EPC1: variants seen among roughly 807,000 people sequenced by gnomAD.
EPC1 encodes the protein enhancer of polycomb homolog 1.
A neutral mutation model predicts 98.4 loss-of-function variants in EPC1; 12 were observed. The ratio of observed to expected loss-of-function variants is 0.12; its 90% CI spans 0.08 to 0.20. The LOEUF is 0.20. EPC1 is among the 10% of genes least tolerant of loss of function. EPC1 has a pLI of 1.00. For missense variants in EPC1, 729 were observed against 990.5 expected (o/e 0.74, Z 3.54); for synonymous variants, 357 against 363.9 (o/e 0.98, Z 0.21).
At chr10:32,316,428 C>A (rs556456213) in intron 1 of EPC1, among the ~76,000 whole-genome samples, 30 of 152,228 alleles carry the variant, frequency 2.0e-4, no homozygotes, top group South Asian at 1.0e-3. Flanking sequence ...CAAATGTCCA[C>A]CAAAATAGGA....
intron 1 of EPC1, among the ~76,000 whole-genome samples, chr10:32,375,075 T>G (rs1203856200): frequency 6.6e-6 from 1 of 152,126 alleles, no homozygotes; most frequent in Non-Finnish European, 1.5e-5. Flanking sequence ...TTGTTTTCTT[T>G]TGCAAAACCA....
chr10:32,287,413 G>T (rs1836748584), intron 6 of EPC1, 139 bp from the exon 7 acceptor site: 1 of 833,924 alleles, frequency 1.2e-6, no homozygotes, highest in Non-Finnish European at 1.9e-6. Flanking sequence ...TCTATGTTTG[G>T]CCATCTTATA....
At position 32,271,619 on chromosome 10, in the gene EPC1, C is replaced by G. The variant is rs768266468; in HGVS notation, c.2304G>C (p.Leu768=). 1.9e-6 allele frequency: 3 copies of G among 1,614,122 alleles called. No individual in the cohort carries two copies. Among genetic ancestry groups the G allele is most frequent in the Admixed American group, 1.7e-5 (1 of 60,010 alleles). Residue 768 remains leucine (L), a synonymous_variant, in exon 13 of 14, where the codon CTG becomes CTC. Transcript: ENST00000319778. The part of the protein sequence containing the change: ...LSAVPSSALK[L]AAAANCQVSK... ...AAACTTGACAGTTTGCTGCAGCGGCCAGCTTTAAGGCAGATGATGGAACAG... is the reference window on the plus strand; with the variant it reads ...AAACTTGACAGTTTGCTGCAGCGGCGAGCTTTAAGGCAGATGATGGAACAG...
chr10:32,346,682 T>A (rs1838846331), intron 1 of EPC1, 81 bp downstream of exon 1: 1 of 1,360,940 alleles, frequency 7.3e-7, no homozygotes, highest in South Asian at 1.2e-5. Flanking sequence ...CCATTTTGTG[T>A]GGGTTTGCTG....
chr10:32,323,565 A>T (rs1285484198), intron 1 of EPC1, among the ~76,000 whole-genome samples: 1 of 152,230 alleles, frequency 6.6e-6, no homozygotes, highest in African/African-American at 2.4e-5. Flanking sequence ...AAAAGATATG[A>T]TACTATTCAA....
intron 2 of EPC1, among the ~76,000 whole-genome samples, chr10:32,296,290 AG>A (rs1835154400): frequency 6.6e-6 from 1 of 152,188 alleles, no homozygotes; most frequent in South Asian, 2.1e-4. Flanking sequence ...TATACACTAC[AG>A]TTTGGCATCC....
At chr10:32,374,836 G>A (rs1839839155) in intron 1 of EPC1, among the ~76,000 whole-genome samples, 1 of 151,970 alleles carries the variant, frequency 6.6e-6, no homozygotes, top group African/African-American at 2.4e-5. Flanking sequence ...TTATCAGAAT[G>A]ATACATAATA....
At chr10:32,276,327 A>T (rs1339128439) in intron 10 of EPC1, among the ~76,000 whole-genome samples, 1 of 152,196 alleles carries the variant, frequency 6.6e-6, no homozygotes, top group East Asian at 1.9e-4. Context: ...CCTGACCAAC[A>T]TGGTGAAACC....
At position 32,268,485 on chromosome 10, in the gene EPC1, A is replaced by G. The variant is rs1835687714; in HGVS notation, c.*578T>C. 1.1e-5 allele frequency: 1 copy of G among 91,484 alleles called. No homozygotes were observed. Among genetic ancestry groups the G allele is most frequent in the Non-Finnish European group, 2.1e-5 (1 of 47,158 alleles). The allele number at this position is 91,484 out of a possible 1,614,324, so 5.7% of individuals were successfully genotyped here. A position where few individuals can be genotyped will look rare whatever the true frequency, so the allele number is the denominator to read the frequency against. ...TGTAAAATTCTGTATGTATGTCACCATTTTTTTTCACATGATACACAGAAA... is the reference window on the plus strand; with the variant it reads ...TGTAAAATTCTGTATGTATGTCACCGTTTTTTTTCACATGATACACAGAAA... On this transcript the variant is annotated 3_prime_UTR_variant, in exon 14 of 14. Transcript: ENST00000319778.
At chr10:32,280,935 C>G (rs1297349885) in intron 10 of EPC1, among the ~76,000 whole-genome samples, 3 of 152,196 alleles carry the variant, frequency 2.0e-5, no homozygotes, top group Non-Finnish European at 4.4e-5. Flanking sequence ...AAAACTTTTT[C>G]TGCATTGACC....
At chr10:32,332,646 A>G (rs1837708732) in intron 1 of EPC1, among the ~76,000 whole-genome samples, 1 of 152,240 alleles carries the variant, frequency 6.6e-6, no homozygotes, top group African/African-American at 2.4e-5. Context: ...GCTGACTGCA[A>G]TCCTGAACAG....
Position 32,302,253 on chromosome 10 carries a change from A to T in EPC1, c.313+3519T>A, listed in dbSNP as rs558499432. ...AAGACTCCGTCTCAAAAAAAAAAAA[A>T]TTTTTTTCCAAGTCATATATCTGAC... is the stretch of plus-strand genomic sequence containing the variant. On this transcript the variant is annotated intron_variant, in intron 2 of 13. Transcript: ENST00000319778. 2.5e-3 allele frequency among the ~76,000 whole-genome samples: 376 copies of T among 151,872 alleles called. 1 individual carries two copies. Among genetic ancestry groups the T allele is most frequent in the Middle Eastern group, 0.02 (6 of 294 alleles).
At chr10:32,307,206 GA>G (rs940226939) in intron 1 of EPC1, among the ~76,000 whole-genome samples, 5 of 152,166 alleles carry the variant, frequency 3.3e-5, no homozygotes, top group African/African-American at 7.2e-5. Context: ...GATACAAATT[GA>G]AAGGGAAAAA....
chr10:32,321,603 A>G (rs1836923714), intron 1 of EPC1, among the ~76,000 whole-genome samples: 1 of 152,048 alleles, frequency 6.6e-6, no homozygotes, highest in Non-Finnish European at 1.5e-5. Flanking sequence ...TACTATTTAC[A>G]TAGTGAAAAT....
intron 1 of EPC1, among the ~76,000 whole-genome samples, chr10:32,318,941 G>C (rs1836719536): frequency 6.6e-6 from 1 of 152,044 alleles, no homozygotes; most frequent in African/African-American, 2.4e-5. Context: ...TTGGGAAACA[G>C]GTCCTCATGA....
intron 2 of EPC1, among the ~76,000 whole-genome samples, chr10:32,302,354 G>C (rs1279589709): frequency 6.6e-6 from 1 of 151,602 alleles, no homozygotes; most frequent in Admixed American, 6.6e-5. Flanking sequence ...CCCATAGAAA[G>C]TAAGCAAAAG....
intron 2 of EPC1, among the ~76,000 whole-genome samples, chr10:32,303,196 G>C (rs559562822): frequency 7.9e-5 from 12 of 152,178 alleles, no homozygotes; most frequent in African/African-American, 2.7e-4. Flanking sequence ...CCAACTACTC[G>C]GGAGGCTGAG....
intron 1 of EPC1, among the ~76,000 whole-genome samples, chr10:32,364,975 T>C (rs1227909985): frequency 6.6e-6 from 1 of 152,050 alleles, no homozygotes; most frequent in Non-Finnish European, 1.5e-5. Flanking sequence ...AGGATTCTGC[T>C]TCTTCCAATG....
intron 1 of EPC1, among the ~76,000 whole-genome samples, chr10:32,339,249 T>C (rs1838178926): frequency 6.6e-6 from 1 of 152,224 alleles, no homozygotes; most frequent in East Asian, 1.9e-4. Flanking sequence ...CAGAATATTC[T>C]CATTACAACA....
Sources: allele counts gnomAD v4.1 joint callset (sites outside exome capture counted in the v4.1 genomes callset), GRCh38; gene constraint gnomAD v4.1.1; transcripts MANE v1.5; gene names NCBI Gene and HGNC (gene_info 2026-07-23, HGNC 2026-07-21).